Variants in RGS17 observed in about 807,000 individuals in gnomAD.
The protein encoded by RGS17 is regulator of G-protein signaling 17.
RGS17 carries 12 observed loss-of-function variants against 25.5 expected under a neutral mutation model. That is an observed-to-expected ratio of 0.47 (90% CI 0.30 to 0.76). RGS17 has a LOEUF of 0.76. RGS17 is among the 30% of genes least tolerant of loss of function. The probability of loss-of-function intolerance (pLI) is 0.07; values close to 1 mark genes in which losing one functional copy is unlikely to be tolerated. For synonymous variants in RGS17, 71 were observed against 76.9 expected (o/e 0.92, Z 0.40); for missense variants, 196 against 242.2 (o/e 0.81, Z 1.27).
At chr6:153,102,549 G>T (rs1777320751) in intron 1 of RGS17, among the ~76,000 whole-genome samples, 1 of 152,032 alleles carries the variant, frequency 6.6e-6, no homozygotes, top group African/African-American at 2.4e-5. Flanking sequence ...GAGGTGATTG[G>T]ATCATGGGGG....
At chr6:153,067,665 C>T (rs749775687) in intron 1 of RGS17, among the ~76,000 whole-genome samples, 1 of 152,030 alleles carries the variant, frequency 6.6e-6, no homozygotes, top group Non-Finnish European at 1.5e-5. Flanking sequence ...GAAGAGGACA[C>T]CAAAAAATGG....
At chr6:153,043,028 T>C (rs2129110278) in intron 2 of RGS17, among the ~76,000 whole-genome samples, 1 of 152,286 alleles carries the variant, frequency 6.6e-6, no homozygotes, top group East Asian at 1.9e-4. Context: ...AAAGGAAAGT[T>C]CCATGAAGTC....
intron 1 of RGS17, among the ~76,000 whole-genome samples, chr6:153,103,506 TA>T (rs1777336261): frequency 6.6e-6 from 1 of 152,098 alleles, no homozygotes; most frequent in Non-Finnish European, 1.5e-5. Flanking sequence ...GCAACCATAT[TA>T]TGTTAAAGTG....
chr6:153,050,443 G>A (rs601583), intron 1 of RGS17, among the ~76,000 whole-genome samples: 173 of 151,968 alleles, frequency 1.1e-3, no homozygotes, highest in Non-Finnish European at 1.7e-3. Flanking sequence ...ATTTGCAGGC[G>A]GGTCATAAAA....
chr6:153,113,801 A>C (rs1005155013), intron 1 of RGS17, among the ~76,000 whole-genome samples: 3 of 152,222 alleles, frequency 2.0e-5, no homozygotes, highest in Non-Finnish European at 4.4e-5. Flanking sequence ...AACTACATGG[A>C]AACTGAACAA....
chr6:153,026,507 C>T lies in RGS17; in HGVS notation c.156G>A (p.Ala52=), dbSNP rs763484564. 17 of 1,613,352 alleles carry T rather than the reference C, an allele frequency of 1.1e-5. No individual in the cohort carries two copies. Among genetic ancestry groups the T allele is most frequent in the East Asian group, 2.2e-5 (1 of 44,834 alleles). Residue 52 remains alanine (A), a synonymous_variant, in exon 3 of 5, where the codon GCG becomes GCA. Coordinates refer to ENST00000206262, the MANE Select transcript of RGS17 (RefSeq NM_012419.5). ...TVRNEERGEN[A]GRPTHTTKME... ...TTTTTGTAGTGTGTGTGGGTCTTCC[C>T]GCATTTTCCCCTCTTTCTTCATTCC... is the stretch of plus-strand genomic sequence containing the variant.
chr6:153,104,218 T>C (rs1045549728), intron 1 of RGS17, among the ~76,000 whole-genome samples: 3 of 152,250 alleles, frequency 2.0e-5, no homozygotes, highest in Non-Finnish European at 4.4e-5. Context: ...CTTCAATTCA[T>C]TGCACAGATA....
At chr6:153,038,934 C>T (rs997409904) in intron 2 of RGS17, among the ~76,000 whole-genome samples, 1 of 152,138 alleles carries the variant, frequency 6.6e-6, no homozygotes, top group African/African-American at 2.4e-5. Flanking sequence ...ATCCCATGGT[C>T]TGGAAACTCT....
intron 1 of RGS17, among the ~76,000 whole-genome samples, chr6:153,118,005 T>C (rs896694086): frequency 2.6e-5 from 4 of 152,038 alleles, no homozygotes; most frequent in Non-Finnish European, 5.9e-5. Flanking sequence ...GTTCTTAGAG[T>C]CTCTTTGAAG....
intron 1 of RGS17, among the ~76,000 whole-genome samples, chr6:153,102,554 T>C (rs940015976): frequency 6.6e-6 from 1 of 152,114 alleles, no homozygotes; most frequent in African/African-American, 2.4e-5. Flanking sequence ...GATTGGATCA[T>C]GGGGGCAGCT....
intron 1 of RGS17, among the ~76,000 whole-genome samples, chr6:153,061,745 T>C (rs570151457): frequency 6.6e-6 from 1 of 152,340 alleles, no homozygotes; most frequent in East Asian, 1.9e-4. Context: ...GTATCCCATT[T>C]ATGTTTGTGT....
chr6:153,119,561 T>C (rs1483302894), intron 1 of RGS17, among the ~76,000 whole-genome samples: 2 of 152,014 alleles, frequency 1.3e-5, no homozygotes, highest in Non-Finnish European at 2.9e-5. Context: ...GCTGTGGTGG[T>C]GGGCACCTGT....
At chr6:153,060,103 G>T (rs1776613793) in intron 1 of RGS17, among the ~76,000 whole-genome samples, 1 of 148,694 alleles carries the variant, frequency 6.7e-6, no homozygotes, top group African/African-American at 2.5e-5. Flanking sequence ...CACCTACTAG[G>T]CATTGTGATT....
chr6:153,056,463 G>T (rs1776560849), intron 1 of RGS17, among the ~76,000 whole-genome samples: 1 of 152,170 alleles, frequency 6.6e-6, no homozygotes, highest in Non-Finnish European at 1.5e-5. Flanking sequence ...TCCATATATG[G>T]AAAGTCTGAC....
chr6:153,094,596 G>A (rs2129122219), intron 1 of RGS17, among the ~76,000 whole-genome samples: 1 of 152,250 alleles, frequency 6.6e-6, no homozygotes, highest in East Asian at 1.9e-4. Context: ...GGATTACTAG[G>A]AAAGAGATCA....
chr6:153,041,148 G>A (rs1776316858), intron 2 of RGS17, among the ~76,000 whole-genome samples: 1 of 152,108 alleles, frequency 6.6e-6, no homozygotes, highest in Admixed American at 6.6e-5. Context: ...CTGCATGACA[G>A]AGCAGATTTT....
At chr6:153,065,436 T>C (rs755988779) in intron 1 of RGS17, among the ~76,000 whole-genome samples, 3 of 152,228 alleles carry the variant, frequency 2.0e-5, no homozygotes, top group Non-Finnish European at 2.9e-5. Context: ...ATCTGCACTA[T>C]AGACCAAACA....
chr6:153,103,543 C>T (rs897110210), intron 1 of RGS17, among the ~76,000 whole-genome samples: 7 of 152,104 alleles, frequency 4.6e-5, no homozygotes, highest in African/African-American at 9.7e-5. Flanking sequence ...CCAGGATATT[C>T]GTCTATTCTT....
intron 1 of RGS17, among the ~76,000 whole-genome samples, chr6:153,099,219 G>A (rs1355862100): frequency 6.6e-6 from 1 of 152,148 alleles, no homozygotes; most frequent in African/African-American, 2.4e-5. Context: ...TAAAATGAAA[G>A]CATGACTTTC....
Sources: allele counts gnomAD v4.1 joint callset (sites outside exome capture counted in the v4.1 genomes callset), GRCh38; gene constraint gnomAD v4.1.1; transcripts MANE v1.5; gene names NCBI Gene and HGNC (gene_info 2026-07-23, HGNC 2026-07-21).